Variants in CNTNAP2 observed in about 807,000 individuals in gnomAD.
CNTNAP2 encodes contactin associated protein 2.
In CNTNAP2, 98 loss-of-function variants were observed where a neutral mutation model predicts 155.2. The observed-to-expected ratio is 0.63, with a 90% CI of 0.54 to 0.75. The LOEUF is 0.75. Ranked by LOEUF, CNTNAP2 falls within the 30% of genes least tolerant of loss-of-function variation. The pLI is 0.00. For synonymous variants in CNTNAP2, 651 were observed against 631.2 expected (o/e 1.03, Z -0.47); for missense variants, 1,727 against 1,688.1 (o/e 1.02, Z -0.40).
chr7:147,730,633 T>C (rs2116465384), intron 13 of CNTNAP2, among the ~76,000 whole-genome samples: 2 of 152,058 alleles, frequency 1.3e-5, no homozygotes, highest in Middle Eastern at 6.8e-3. Context: ...AAAGACACAA[T>C]ACTGAACTTA....
At chr7:146,732,586 C>T (rs961983284) in intron 1 of CNTNAP2, among the ~76,000 whole-genome samples, 1 of 152,044 alleles carries the variant, frequency 6.6e-6, no homozygotes, top group Non-Finnish European at 1.5e-5. Context: ...TCATGTTGTT[C>T]TTCTGTTCCA....
chr7:147,817,879 T>A lies in CNTNAP2; in HGVS notation c.2099-85686T>A, dbSNP rs187211124. On this transcript the variant is annotated intron_variant, in intron 13 of 23. Coordinates refer to ENST00000361727, the MANE Select transcript of CNTNAP2 (RefSeq NM_014141.6). ...GAGATGGTGCCACTGCACTCCAGCC[T>A]GGGCAACAGAGCGAGACTCTGTCTC... 6.1e-3 allele frequency among the ~76,000 whole-genome samples: 833 copies of A among 137,606 alleles called. 4 individuals carry two copies. Among genetic ancestry groups the A allele is most frequent in the Middle Eastern group, 0.021 (5 of 240 alleles). 90.3% of individuals were successfully genotyped at this position (137,606 alleles called of 152,430 possible).
At chr7:147,837,875 G>A (rs1052145008) in intron 13 of CNTNAP2, among the ~76,000 whole-genome samples, 3 of 152,190 alleles carry the variant, frequency 2.0e-5, no homozygotes, top group Admixed American at 6.5e-5. Context: ...GGCTTTGCAG[G>A]CTATAGCCTC....
intron 15 of CNTNAP2, among the ~76,000 whole-genome samples, chr7:148,077,836 T>G: frequency 6.6e-6 from 1 of 152,212 alleles, no homozygotes; most frequent in East Asian, 1.9e-4. Context: ...GAAGTTGATA[T>G]ACACTATTTT....
intron 8 of CNTNAP2, among the ~76,000 whole-genome samples, chr7:147,207,318 C>A (rs1803042885): frequency 6.6e-6 from 1 of 152,108 alleles, no homozygotes; most frequent in Non-Finnish European, 1.5e-5. Context: ...GAATAGTTTA[C>A]TACATTGGAG....
chr7:147,308,459 C>A (rs1361147940), intron 9 of CNTNAP2, among the ~76,000 whole-genome samples: 1 of 152,108 alleles, frequency 6.6e-6, no homozygotes. Context: ...AGGTAATGAT[C>A]AATTCTGCAT....
At chr7:147,119,942 A>G (rs1366364458) in intron 5 of CNTNAP2, among the ~76,000 whole-genome samples, 1 of 152,208 alleles carries the variant, frequency 6.6e-6, no homozygotes, top group East Asian at 1.9e-4. Context: ...GATGAAACAA[A>G]CTATGTAAAC....
intron 3 of CNTNAP2, among the ~76,000 whole-genome samples, chr7:146,843,061 G>A (rs1271603774): frequency 4.1e-5 from 4 of 96,402 alleles, no homozygotes; most frequent in Non-Finnish European, 5.6e-5. Context: ...GCCGGACTGC[G>A]GACTGCAGTG....
intron 18 of CNTNAP2, among the ~76,000 whole-genome samples, chr7:148,193,035 T>C (rs551469008): frequency 3.3e-5 from 5 of 152,332 alleles, no homozygotes; most frequent in African/African-American, 1.2e-4. Flanking sequence ...AAATGAAGAT[T>C]TTTTTCCTCA....
intron 1 of CNTNAP2, among the ~76,000 whole-genome samples, chr7:146,676,231 G>C (rs1223782799): frequency 6.6e-6 from 1 of 152,006 alleles, no homozygotes; most frequent in Non-Finnish European, 1.5e-5. Context: ...CAATAAATAT[G>C]CGAAATCTAA....
chr7:147,099,969 T>C (rs1333112898), intron 4 of CNTNAP2, among the ~76,000 whole-genome samples: 4 of 152,222 alleles, frequency 2.6e-5, no homozygotes, highest in African/African-American at 9.6e-5. Context: ...ACAAATAGAT[T>C]ATATGCTAAT....
At chr7:146,758,408 G>A (rs1286784030) in intron 1 of CNTNAP2, among the ~76,000 whole-genome samples, 1 of 152,166 alleles carries the variant, frequency 6.6e-6, no homozygotes, top group Non-Finnish European at 1.5e-5. Context: ...AACTGTCTGG[G>A]TGAGGCTTTG....
chr7:147,438,062 G>A (rs145030749), intron 10 of CNTNAP2, among the ~76,000 whole-genome samples: 30 of 152,110 alleles, frequency 2.0e-4, no homozygotes, highest in Non-Finnish European at 3.5e-4. Context: ...TGAAAACAAG[G>A]ATAATTTGAC....
intron 13 of CNTNAP2, among the ~76,000 whole-genome samples, chr7:147,721,436 A>G (rs1034275774): frequency 6.6e-6 from 1 of 152,068 alleles, no homozygotes; most frequent in African/African-American, 2.4e-5. Flanking sequence ...AATCTAAGCA[A>G]TGTCAGGTTC....
At chr7:147,889,048 A>G (rs1310351660) in intron 13 of CNTNAP2, among the ~76,000 whole-genome samples, 1 of 152,138 alleles carries the variant, frequency 6.6e-6, no homozygotes, top group Non-Finnish European at 1.5e-5. Flanking sequence ...AAATTGCTGT[A>G]TTGTTTAGGA....
intron 5 of CNTNAP2, among the ~76,000 whole-genome samples, chr7:147,118,471 C>T (rs1801033600): frequency 1.3e-5 from 2 of 152,116 alleles, no homozygotes; most frequent in Admixed American, 1.3e-4. Context: ...TTAAGTAAAA[C>T]TTGTAGGATA....
At chr7:147,529,090 A>T (rs1387835162) in intron 11 of CNTNAP2, among the ~76,000 whole-genome samples, 1 of 152,242 alleles carries the variant, frequency 6.6e-6, no homozygotes. Context: ...ATATGTGAGC[A>T]TATCAGCACC....
At chr7:146,490,482 G>A (rs1049887211) in intron 1 of CNTNAP2, among the ~76,000 whole-genome samples, 8 of 152,184 alleles carry the variant, frequency 5.3e-5, no homozygotes, top group Non-Finnish European at 1.0e-4. Flanking sequence ...GTTTTCCCGC[G>A]ACATAACTTT....
rs547334060 is a variant in CNTNAP2, at chr7:146,344,667, C to T, written c.97+227694C>T. Among the ~76,000 whole-genome samples the T allele has an allele frequency of 1.4e-3, 215 of 152,050 alleles. 2 individuals carry two copies. The highest frequency in any genetic ancestry group is 4.6e-3 in the African/African-American group (190 of 41,476). ...CTAATTTTCATATTTTTAGTAGAGA[C>T]GGGGTTTCACCATGTTGGGCAGGCT... On this transcript the variant is annotated intron_variant, in intron 1 of 23. Transcript: ENST00000361727.
Sources: gnomAD v4.1 joint callset for allele counts (sites outside exome capture counted in the v4.1 genomes callset) on GRCh38, gnomAD v4.1.1 for gene constraint, MANE v1.5 for transcripts, NCBI Gene and HGNC (gene_info 2026-07-23, HGNC 2026-07-21) for gene names.